Variants in PRRG4 observed in about 807,000 individuals in gnomAD.
PRRG4 encodes the protein transmembrane gamma-carboxyglutamic acid protein 4.
A neutral mutation model predicts 20.0 loss-of-function variants in PRRG4; 12 were observed. That is an observed-to-expected ratio of 0.60 (90% CI 0.38 to 0.97). The LOEUF is 0.97. PRRG4 is among the 50% of genes least tolerant of loss of function. The probability of loss-of-function intolerance (pLI) is 0.00; values close to 1 mark genes in which losing one functional copy is unlikely to be tolerated. For synonymous variants in PRRG4, 94 were observed against 96.4 expected (o/e 0.98, Z 0.15); for missense variants, 199 against 265.1 (o/e 0.75, Z 1.73).
intron 3 of PRRG4, among the ~76,000 whole-genome samples, chr11:32,837,868 T>C (rs1851039012): frequency 6.6e-6 from 1 of 152,016 alleles, no homozygotes; most frequent in Non-Finnish European, 1.5e-5. Context: ...CTAAATTCTT[T>C]ACTTTTGTAG....
intron 5 of PRRG4, among the ~76,000 whole-genome samples, chr11:32,841,860 G>C (rs373265068): frequency 6.6e-6 from 1 of 152,064 alleles, no homozygotes; most frequent in Non-Finnish European, 1.5e-5. Context: ...TAATAGTAAT[G>C]AACCAATGTT....
chr11:32,833,893 G>A (rs1850996907), intron 2 of PRRG4, among the ~76,000 whole-genome samples: 1 of 152,168 alleles, frequency 6.6e-6, no homozygotes, highest in South Asian at 2.1e-4. Context: ...GGGAGTGCCA[G>A]GGGTGGGTAG....
In PRRG4 at chr11:32,830,137, G is replaced by C; in HGVS notation, c.-59G>C. The C allele has an allele frequency of 1.0e-6, 1 of 1,003,852 alleles. No individual in the cohort carries two copies. The highest frequency in any genetic ancestry group is 1.2e-6 in the Non-Finnish European group (1 of 842,622). The allele number at this position is 1,003,852 out of a possible 1,614,324, so 62.2% of individuals were successfully genotyped here. On this transcript the variant is annotated 5_prime_UTR_variant, in exon 1 of 6. Coordinates refer to ENST00000257836, the MANE Select transcript of PRRG4 (RefSeq NM_024081.6). ...GGAACCGCCCCAAGAAGAGCCTCTG[G>C]CCCGGGGGCTGCTGGAACATGTGCG... is the stretch of plus-strand genomic sequence containing the variant.
intron 5 of PRRG4, among the ~76,000 whole-genome samples, chr11:32,845,380 CT>C (rs1374145567): frequency 6.6e-6 from 1 of 152,158 alleles, no homozygotes. Context: ...AATCCCAGCA[CT>C]TTGGGAGGCC....
intron 5 of PRRG4, among the ~76,000 whole-genome samples, chr11:32,850,570 TTAC>T (rs1482777492): frequency 6.6e-6 from 1 of 152,220 alleles, no homozygotes; most frequent in Non-Finnish European, 1.5e-5. Context: ...CAAACTTGGT[TTAC>T]TAGACATTCT....
At chr11:32,836,931 C>T (rs1851024928) in intron 3 of PRRG4, 110 bp downstream of exon 3, 3 of 800,724 alleles carry the variant, frequency 3.7e-6, no homozygotes, top group Non-Finnish European at 5.9e-6. Flanking sequence ...GGATTATGTA[C>T]CTGCTATCTC....
chr11:32,834,967 C>T (rs963545009), intron 2 of PRRG4, among the ~76,000 whole-genome samples: 1 of 152,112 alleles, frequency 6.6e-6, no homozygotes, highest in Non-Finnish European at 1.5e-5. Context: ...GCGTGCACCA[C>T]CACACCGGGC....
At chr11:32,836,966 T>A in intron 3 of PRRG4, 145 bp downstream of exon 3, 1 of 634,934 alleles carries the variant, frequency 1.6e-6, no homozygotes, top group Non-Finnish European at 2.7e-6. Context: ...AAATGGTAAT[T>A]AACCTATTTA....
intron 2 of PRRG4, among the ~76,000 whole-genome samples, chr11:32,833,731 A>AT (rs1344542780): frequency 6.6e-6 from 1 of 152,148 alleles, no homozygotes; most frequent in Non-Finnish European, 1.5e-5. Context: ...TCAGTCAGTA[A>AT]TTTTTTGAGC....
chr11:32,830,010 T>C lies in PRRG4; in HGVS notation c.-186T>C, dbSNP rs183528913. 560 of 985,706 alleles carry C rather than the reference T, an allele frequency of 5.7e-4. 5 individuals are homozygous for C. In the East Asian group the frequency reaches 0.016, roughly 29 times the overall value. 61.1% of individuals were successfully genotyped at this position (985,706 alleles called of 1,614,324 possible). On this transcript the variant is annotated 5_prime_UTR_variant, in exon 1 of 6. Transcript: ENST00000257836. Reference sequence around the variant, plus strand: ...CGCCCCTCTGCGAACCCCAGGCCCTTCCCAGGTTTGCGCGCGGGGGCCATC... The same window carrying C: ...CGCCCCTCTGCGAACCCCAGGCCCTCCCCAGGTTTGCGCGCGGGGGCCATC...
rs1042953030 is a variant in PRRG4 at position 32,836,649 on chromosome 11, C to T, written c.104-9C>T. On this transcript the variant is annotated splice_polypyrimidine_tract_variant and intron_variant, in intron 2 of 5. Coordinates refer to ENST00000257836, the MANE Select transcript of PRRG4 (RefSeq NM_024081.6). ...ATCAATGTTTAAGTCTTTTTCATTACTTTATTAGTGTTTACATCAAAAGAA... is the reference window on the plus strand; with the variant it reads ...ATCAATGTTTAAGTCTTTTTCATTATTTTATTAGTGTTTACATCAAAAGAA... 6.7e-7 allele frequency: 1 copy of T among 1,486,068 alleles called. No homozygotes were observed. Among genetic ancestry groups the T allele is most frequent in the South Asian group, 1.2e-5 (1 of 83,538 alleles). 92.1% of individuals were successfully genotyped at this position (1,486,068 alleles called of 1,614,324 possible).
intron 5 of PRRG4, among the ~76,000 whole-genome samples, chr11:32,847,276 A>G (rs1055436056): frequency 4.6e-5 from 7 of 152,084 alleles, no homozygotes; most frequent in African/African-American, 1.7e-4. Flanking sequence ...GGATAAAACA[A>G]CAAAGAGACT....
chr11:32,837,588 G>A lies in PRRG4; in HGVS notation c.267+767G>A, dbSNP rs533306196. ...ATTATTATTATTATTATTATCTGGA[G>A]ACGGAGTCGCCCAGGCTGGAGTGCA... On this transcript the variant is annotated intron_variant, in intron 3 of 5. Coordinates refer to ENST00000257836, the MANE Select transcript of PRRG4 (RefSeq NM_024081.6). Among the ~76,000 whole-genome samples, 1,065 of 146,856 alleles carry A rather than the reference G, an allele frequency of 7.3e-3. 16 individuals carry two copies. The highest frequency in any genetic ancestry group is 0.026 in the African/African-American group (1,027 of 39,942).
chr11:32,853,891 AAGG>A lies in PRRG4; in HGVS notation c.*379_*381del, dbSNP rs67566376. 18,338 of 181,960 alleles carry A rather than the reference AAGG, an allele frequency of 0.1. 1,057 individuals are homozygous for A. Among genetic ancestry groups the A allele is most frequent in the Non-Finnish European group, 0.12 (10,525 of 84,950 alleles). 11.3% of individuals were successfully genotyped at this position (181,960 alleles called of 1,614,324 possible). On this transcript the variant is annotated 3_prime_UTR_variant, in exon 6 of 6. Transcript: ENST00000257836. ...AAAAGAGAAGAAGGAGAAGGAGATG[AAGG>A]AGGAGGAGGAGGAGAAGGAGAAGAA...
chr11:32,841,418 A>G (rs1851077773), intron 5 of PRRG4, among the ~76,000 whole-genome samples: 1 of 152,162 alleles, frequency 6.6e-6, no homozygotes. Context: ...CTAAAGAAAT[A>G]ACTGTTCCAA....
chr11:32,830,924 A>G (rs1243661485), intron 2 of PRRG4, among the ~76,000 whole-genome samples: 6 of 152,220 alleles, frequency 3.9e-5, no homozygotes, highest in African/African-American at 9.6e-5. Context: ...ACATTTCTCT[A>G]GATGAAGCTG....
rs35984272 is a variant in PRRG4 at position 32,840,270 on chromosome 11, C to T, written c.449+31C>T. On this transcript the variant is annotated intron_variant, in intron 5 of 5. Transcript: ENST00000257836. The surrounding 1 kb of genome is among the most constrained non-coding windows in gnomAD (Gnocchi z 4.1). ...TACTAAGTGAAATTATTTAATTCAT[C>T]ACTAGACATTCTATATTATTATTTT... 166,300 of 1,447,890 alleles carry T rather than the reference C, an allele frequency of 0.11. 10,381 individuals carry two copies. Among genetic ancestry groups the T allele is most frequent in the Non-Finnish European group, 0.12 (127,724 of 1,039,650 alleles). The allele number at this position is 1,447,890 out of a possible 1,614,324, so 89.7% of individuals were successfully genotyped here.
Position 32,840,835 on chromosome 11 carries a change from A to G in PRRG4, c.449+596A>G, listed in dbSNP as rs758537461. On this transcript the variant is annotated intron_variant, in intron 5 of 5. Transcript: ENST00000257836. The surrounding 1 kb of genome is among the most constrained non-coding windows in gnomAD (Gnocchi z 4.1). The stretch of plus-strand genomic sequence containing the variant: ...GTTAACAGATCCACATGGCTACCCA[A>G]ATAGAAACAGTGTAACTGGCTTTTA... 8.5e-5 allele frequency among the ~76,000 whole-genome samples: 13 copies of G among 152,214 alleles called. No homozygotes were observed. The highest frequency in any genetic ancestry group is 1.9e-4 in the Non-Finnish European group (13 of 68,038).
rs1471413068 is a variant in PRRG4, at chr11:32,855,483, CAT to C, written c.*1957_*1958del. 2.0e-5 allele frequency: 3 copies of C among 152,168 alleles called. No homozygotes were observed. Among genetic ancestry groups the C allele is most frequent in the South Asian group, 4.1e-4 (2 of 4,830 alleles). 9.4% of individuals were successfully genotyped at this position (152,168 alleles called of 1,614,324 possible). On this transcript the variant is annotated 3_prime_UTR_variant, in exon 6 of 6. Coordinates refer to ENST00000257836, the MANE Select transcript of PRRG4 (RefSeq NM_024081.6). ...TTACAGGAGTGAGACTGCAAACCCA[CAT>C]GTTTGATAGTTCCTACCAAATTAAA... is the stretch of plus-strand genomic sequence containing the variant.
Sources: allele counts gnomAD v4.1 joint callset (sites outside exome capture counted in the v4.1 genomes callset), GRCh38; gene constraint gnomAD v4.1.1; non-coding constraint Gnocchi (gnomAD v3.1); transcripts MANE v1.5; gene names NCBI Gene and HGNC (gene_info 2026-07-23, HGNC 2026-07-21).